BCLAF3: variants seen among roughly 807,000 people sequenced by gnomAD.
BCLAF3 encodes the protein transient octamer binding factor 1.
In BCLAF3, 24 loss-of-function variants were observed where a neutral mutation model predicts 51.2. That is an observed-to-expected ratio of 0.47 (90% CI 0.34 to 0.66). The LOEUF (loss-of-function observed/expected upper bound fraction) is 0.66. BCLAF3 is among the 30% of genes least tolerant of loss of function. The pLI, the probability that BCLAF3 is intolerant of heterozygous loss-of-function variation, is 0.01. For missense variants in BCLAF3, 465 were observed against 525.1 expected, an observed-to-expected ratio of 0.89 and a Z score of 1.12; for synonymous variants, 152 against 176.6, an observed-to-expected ratio of 0.86 and a Z score of 1.10.
At chrX:19,985,027 C>A (rs2072752105) in intron 1 of BCLAF3, 1 of 111,935 alleles carries the variant, frequency 8.9e-6, no homozygotes, top group African/African-American at 3.2e-5. Flanking sequence ...CATTACATAT[C>A]AGATTCTTTT....
intron 8 of BCLAF3, among the ~76,000 whole-genome samples, chrX:19,938,540 T>G (rs914633605): frequency 1.8e-5 from 2 of 112,055 alleles, no homozygotes; most frequent in Admixed American, 1.9e-4. Context: ...GGATTACAGG[T>G]GCACGCCATC....
At chrX:19,966,877 G>A (rs887174908) in intron 2 of BCLAF3, among the ~76,000 whole-genome samples, 2 of 111,295 alleles carry the variant, frequency 1.8e-5, no homozygotes, top group Non-Finnish European at 3.8e-5. Context: ...TATTCCACGT[G>A]CTTATCCAAA....
In BCLAF3 at chrX:19,975,270, G is replaced by A. The variant is rs183734716; in HGVS notation, c.-34-4972C>T. Among the ~76,000 whole-genome samples the A allele has an allele frequency of 1.4e-3, 152 of 108,913 alleles. 1 individual carries two copies. The highest frequency in any genetic ancestry group is 5.0e-3 in the African/African-American group (149 of 30,071). 94.6% of individuals were successfully genotyped at this position (108,913 alleles called of 115,157 possible). On this transcript the variant is annotated intron_variant, in intron 1 of 11. Coordinates refer to ENST00000379682, the MANE Select transcript of BCLAF3 (RefSeq NM_001367774.2). Reference sequence around the variant, plus strand: ...AAAAAAAAAAAGAAGAAGAATATGTGACAGAGACTGTACGTGGCCCACAAA... The same window carrying A: ...AAAAAAAAAAAGAAGAAGAATATGTAACAGAGACTGTACGTGGCCCACAAA...
At chrX:19,940,732 C>A (rs1331023087) in intron 8 of BCLAF3, among the ~76,000 whole-genome samples, 1 of 108,880 alleles carries the variant, frequency 9.2e-6, no homozygotes, top group Non-Finnish European at 1.9e-5. Context: ...AATAAACATA[C>A]GTGTGCATGT....
At chrX:19,918,298 T>C (rs2069996325) in intron 11 of BCLAF3, among the ~76,000 whole-genome samples, 1 of 111,208 alleles carries the variant, frequency 9.0e-6, no homozygotes, top group Non-Finnish European at 1.9e-5. Flanking sequence ...CCTAGTTCTT[T>C]ACTCATTATA....
At chrX:19,919,062 C>A (rs1327708418) in intron 11 of BCLAF3, among the ~76,000 whole-genome samples, 3 of 111,007 alleles carry the variant, frequency 2.7e-5, no homozygotes, top group South Asian at 3.8e-4. Context: ...CACATCAAAC[C>A]CTAAATATCC....
At position 19,965,270 on chromosome X, in the gene BCLAF3, T is replaced by C. The variant is rs754461807; in HGVS notation, c.1048A>G (p.Ile350Val). The change falls in exon 4 of 12, where the codon ATT becomes GTT. Residue 350 changes from isoleucine (I) to valine (V), a missense_variant. By Grantham distance (29) the Ile-to-Val change is conservative (BLOSUM62 3). Coordinates refer to ENST00000379682, the MANE Select transcript of BCLAF3 (RefSeq NM_001367774.2). ...EPFKPSKKDSIACTYSNKNDV... is the reference protein window; with the variant it reads ...EPFKPSKKDSVACTYSNKNDV... The stretch of plus-strand genomic sequence containing the variant: ...TTTTTATTTGAATAAGTACAGGCAA[T>C]GCTGTCTTTCTTAGACGGTTTAAAA... The C allele has an allele frequency of 1.7e-6, 2 of 1,211,167 alleles. No homozygotes were observed. The highest frequency in any genetic ancestry group is 1.8e-5 in the South Asian group (1 of 56,865).
chrX:19,924,434 AT>A (rs1403467726), intron 11 of BCLAF3, among the ~76,000 whole-genome samples: 2 of 111,575 alleles, frequency 1.8e-5, no homozygotes, highest in African/African-American at 6.5e-5. Flanking sequence ...TGATGCCCTT[AT>A]GCAACACTTC....
chrX:19,937,504 C>A lies in BCLAF3; in HGVS notation c.1774G>T (p.Val592Leu). The A allele has an allele frequency of 8.7e-7, 1 of 1,143,634 alleles. No homozygotes were observed. Among genetic ancestry groups the A allele is most frequent in the Non-Finnish European group, 1.2e-6 (1 of 847,793 alleles). The allele number at this position is 1,143,634 out of a possible 1,213,427, so 94.2% of individuals were successfully genotyped here. The change falls in exon 9 of 12, where the codon GTA becomes TTA. Residue 592 changes from valine to leucine, a missense_variant. Coordinates refer to ENST00000379682, the MANE Select transcript of BCLAF3 (RefSeq NM_001367774.2). ...RDDQNSSFSK[V>L]KNVHTDGFQK... ...AATCCATCAGTATGAACATTCTTTA[C>A]CTTTGAAAAACTGGAATTCTGATCA...
intron 8 of BCLAF3, among the ~76,000 whole-genome samples, chrX:19,946,886 A>G (rs1333389255): frequency 1.8e-5 from 2 of 112,261 alleles, no homozygotes; most frequent in Admixed American, 1.9e-4. Flanking sequence ...AGTGTACTCC[A>G]TGATCACCCT....
chrX:19,945,628 T>G (rs7890569), intron 8 of BCLAF3, among the ~76,000 whole-genome samples: 5 of 74,899 alleles, frequency 6.7e-5, no homozygotes, highest in East Asian at 3.0e-4. Flanking sequence ...GCAGTCTGCC[T>G]GTTCTCAGAT....
chrX:19,937,595 AC>A, intron 8 of BCLAF3, 63 bp from the exon 9 acceptor site: 1 of 611,329 alleles, frequency 1.6e-6, no homozygotes, highest in Admixed American at 3.3e-5. Context: ...CAAGAAATAA[AC>A]AAGAATAATT....
At chrX:19,958,607 T>C (rs1252081612) in intron 4 of BCLAF3, among the ~76,000 whole-genome samples, 1 of 112,263 alleles carries the variant, frequency 8.9e-6, no homozygotes, top group Non-Finnish European at 1.9e-5. Flanking sequence ...GTTACTGATG[T>C]GTTACAATTG....
intron 8 of BCLAF3, among the ~76,000 whole-genome samples, chrX:19,941,030 A>G (rs1441501403): frequency 1.8e-5 from 2 of 110,777 alleles, no homozygotes; most frequent in Non-Finnish European, 3.8e-5. Flanking sequence ...AGTGATGATG[A>G]GCATTTTTTC....
At chrX:19,964,556 G>A (rs1358692158) in intron 4 of BCLAF3, among the ~76,000 whole-genome samples, 2 of 110,235 alleles carry the variant, frequency 1.8e-5, no homozygotes, top group Non-Finnish European at 3.8e-5. Context: ...ATTTGAGCCC[G>A]AGCCACTCTG....
At chrX:19,923,829 G>A (rs1423848312) in intron 11 of BCLAF3, among the ~76,000 whole-genome samples, 2 of 102,418 alleles carry the variant, frequency 2.0e-5, no homozygotes, top group African/African-American at 8.2e-5. Flanking sequence ...ATGCAAGTTT[G>A]ATTATTTATT....
intron 8 of BCLAF3, among the ~76,000 whole-genome samples, chrX:19,941,455 A>G (rs12689655): frequency 2.9e-5 from 3 of 101,890 alleles, no homozygotes; most frequent in South Asian, 7.8e-4. Flanking sequence ...TGTATAAGGT[A>G]TAAGGAAGGG....
At chrX:19,952,108 T>C (rs1160297470) in intron 7 of BCLAF3, among the ~76,000 whole-genome samples, 1 of 111,900 alleles carries the variant, frequency 8.9e-6, no homozygotes, top group East Asian at 2.8e-4. Flanking sequence ...AAATAATAGT[T>C]TGTGCTAAAT....
At chrX:19,966,015 A>G in intron 3 of BCLAF3, 65 bp downstream of exon 3, 1 of 1,011,815 alleles carries the variant, frequency 9.9e-7, no homozygotes, top group African/African-American at 1.9e-5. Context: ...TTCAACCATA[A>G]AGTAAACAGA....
Sources: gnomAD v4.1 joint callset for allele counts (sites outside exome capture counted in the v4.1 genomes callset) on GRCh38, gnomAD v4.1.1 for gene constraint, MANE v1.5 for transcripts, NCBI Gene and HGNC (gene_info 2026-07-23, HGNC 2026-07-21) for gene names.